CMSS1: variants seen among roughly 807,000 people sequenced by gnomAD.
The protein encoded by CMSS1 is cms1 ribosomal small subunit homolog, also known as protein CMSS1.
A neutral mutation model predicts 43.5 loss-of-function variants in CMSS1; 33 were observed. The observed-to-expected ratio is 0.76, with a 90% confidence interval of 0.57 to 1.01. The LOEUF (loss-of-function observed/expected upper bound fraction) is 1.01, where lower values mean the gene tolerates loss of function less well. Ranked by LOEUF, CMSS1 falls within the 50% of genes least tolerant of loss-of-function variation. CMSS1 has a pLI of 0.00. For missense variants in CMSS1, 313 were observed against 326.4 expected (o/e 0.96, Z 0.32); for synonymous variants, 115 against 117.2 (o/e 0.98, Z 0.12).
At chr3:99,976,455 A>G (rs1002548549) in intron 1 of CMSS1, among the ~76,000 whole-genome samples, 7 of 152,184 alleles carry the variant, frequency 4.6e-5, no homozygotes, top group Non-Finnish European at 1.0e-4. Flanking sequence ...CCCCAAGAGA[A>G]TTGCAGCCAA....
At position 100,013,261 on chromosome 3, in the gene CMSS1, T is replaced by G. The variant is rs902901589; in HGVS notation, c.65-133712T>G. 9.8e-5 allele frequency among the ~76,000 whole-genome samples: 13 copies of G among 132,142 alleles called. No individual in the cohort carries two copies. In the East Asian group the frequency reaches 2.8e-3, roughly 29 times the overall value. 86.7% of individuals were successfully genotyped at this position (132,142 alleles called of 152,430 possible). A position where few individuals can be genotyped will look rare whatever the true frequency, so the allele number is the denominator to read the frequency against. ...TGTTGTTGTTGTTGTTGTTGTTGTTTGAGATGGAGTCTTGCTCTGTCACCC... is the reference window on the plus strand; with the variant it reads ...TGTTGTTGTTGTTGTTGTTGTTGTTGGAGATGGAGTCTTGCTCTGTCACCC... On this transcript the variant is annotated intron_variant, in intron 1 of 9. Transcript: ENST00000421999.
At chr3:100,172,029 T>C in intron 7 of CMSS1, 130 bp downstream of exon 7, 2 of 755,008 alleles carry the variant, frequency 2.6e-6, no homozygotes, top group South Asian at 1.8e-5. Flanking sequence ...TTAACAACTT[T>C]TCTGGTTTTT....
intron 1 of CMSS1, chr3:99,875,946 G>T: frequency 1.8e-6 from 1 of 571,046 alleles, no homozygotes; most frequent in Non-Finnish European, 2.2e-6. Flanking sequence ...TTCATTGGAT[G>T]CGCTTTGCGA....
intron 1 of CMSS1, among the ~76,000 whole-genome samples, chr3:99,987,528 CAA>C (rs1209242716): frequency 1.4e-4 from 8 of 57,148 alleles, no homozygotes; most frequent in Admixed American, 2.0e-4. Flanking sequence ...GATTCTGTCT[CAA>C]AAAAAAAAAA....
intron 1 of CMSS1, among the ~76,000 whole-genome samples, chr3:100,056,897 G>A (rs370015829): frequency 2.6e-5 from 4 of 151,986 alleles, no homozygotes; most frequent in East Asian, 3.9e-4. Flanking sequence ...CCAGCTACTC[G>A]GGAGGCTGAG....
intron 1 of CMSS1, among the ~76,000 whole-genome samples, chr3:99,947,000 G>A (rs760303714): frequency 2.0e-5 from 3 of 152,002 alleles, no homozygotes; most frequent in Non-Finnish European, 4.4e-5. Flanking sequence ...AGCGGGGCGT[G>A]GTGGCAGGCA....
chr3:100,026,245 T>C (rs2064918726), intron 1 of CMSS1, among the ~76,000 whole-genome samples: 1 of 152,124 alleles, frequency 6.6e-6, no homozygotes, highest in Admixed American at 6.6e-5. Context: ...CTTCGTTTAG[T>C]CAAAATTGTG....
chr3:99,917,753 C>T (rs1015816193), intron 1 of CMSS1, among the ~76,000 whole-genome samples: 2 of 152,008 alleles, frequency 1.3e-5, no homozygotes, highest in Non-Finnish European at 2.9e-5. Flanking sequence ...TAGGGTATAC[C>T]GAAATCTAGA....
intron 1 of CMSS1, among the ~76,000 whole-genome samples, chr3:100,055,701 A>G (rs1458292593): frequency 6.6e-6 from 1 of 152,314 alleles, no homozygotes; most frequent in East Asian, 1.9e-4. Flanking sequence ...TTAGTAGTCA[A>G]ACATTCTTGA....
intron 1 of CMSS1, among the ~76,000 whole-genome samples, chr3:99,844,432 A>G (rs900515243): frequency 5.9e-5 from 9 of 152,214 alleles, no homozygotes; most frequent in African/African-American, 1.9e-4. Flanking sequence ...GAGGAAAAAA[A>G]TCTTAATAAC....
chr3:99,845,159 T>TA (rs1257291340), intron 1 of CMSS1, among the ~76,000 whole-genome samples: 1 of 152,182 alleles, frequency 6.6e-6, no homozygotes, highest in Admixed American at 6.5e-5. Context: ...TTCTTATGTG[T>TA]ACAGATTCAA....
At position 100,172,317 on chromosome 3, in the gene CMSS1, T is replaced by A. The variant is rs1404794115; in HGVS notation, c.581T>A (p.Val194Asp). ...TTCTTCTCTTTCATCTTGGAACAGG[T>A]CCAGGCGCAGGTAAAGTTGCTGGAG... ...VIKLFAKHIK[V>D]QAQVKLLEKR... The change falls in exon 8 of 10, where the codon GTC (valine) becomes GAC (aspartate). Residue 194 changes from valine (V) to aspartate (D), a missense_variant and splice_region_variant. Transcript: ENST00000421999. The A allele has an allele frequency of 6.2e-7, 1 of 1,613,606 alleles. No homozygotes were observed. The highest frequency in any genetic ancestry group is 2.2e-5 in the East Asian group (1 of 44,884).
chr3:100,145,260 G>A (rs2066838873), intron 1 of CMSS1, among the ~76,000 whole-genome samples: 2 of 152,018 alleles, frequency 1.3e-5, no homozygotes, highest in Admixed American at 1.3e-4. Flanking sequence ...GGCTAACATG[G>A]CGAATCCCTG....
intron 1 of CMSS1, among the ~76,000 whole-genome samples, chr3:100,045,821 G>A (rs2065270397): frequency 6.6e-6 from 1 of 152,108 alleles, no homozygotes. Context: ...AGGCCTTCTG[G>A]GCTTCTTGGC....
chr3:99,840,192 T>G (rs1943069406), intron 1 of CMSS1, among the ~76,000 whole-genome samples: 1 of 150,816 alleles, frequency 6.6e-6, no homozygotes, highest in East Asian at 2.0e-4. Context: ...CTGATAGGAT[T>G]AGGGGTAAAA....
intron 4 of CMSS1, among the ~76,000 whole-genome samples, chr3:100,165,177 T>C (rs905794186): frequency 1.3e-5 from 2 of 152,162 alleles, no homozygotes; most frequent in African/African-American, 4.8e-5. Flanking sequence ...TCTGATCATA[T>C]CCAGGCTTGG....
chr3:99,830,743 G>A (rs961507277), intron 1 of CMSS1: 21 of 379,596 alleles, frequency 5.5e-5, no homozygotes, highest in East Asian at 5.1e-4. Context: ...ATCAAAGATC[G>A]TCAGGTTGAA....
At chr3:99,992,844 T>C (rs1709564003) in intron 1 of CMSS1, among the ~76,000 whole-genome samples, 1 of 152,070 alleles carries the variant, frequency 6.6e-6, no homozygotes, top group African/African-American at 2.4e-5. Flanking sequence ...TTTTTGTATG[T>C]GGTAAGAAGT....
In CMSS1 at chr3:100,034,583, G is replaced by A. The variant is rs1173526874; in HGVS notation, c.65-112390G>A. 2.0e-5 allele frequency among the ~76,000 whole-genome samples: 3 copies of A among 152,128 alleles called. No homozygotes were observed. The East Asian group carries it at 5.8e-4, about 29-fold the overall frequency. The stretch of plus-strand genomic sequence containing the variant: ...ATCCCATCTGAATTGGCTGCTTTTG[G>A]TCATTTAAACATGCTTCCTTATCAG... On this transcript the variant is annotated intron_variant, in intron 1 of 9. Transcript: ENST00000421999.
Sources: allele counts gnomAD v4.1 joint callset (sites outside exome capture counted in the v4.1 genomes callset), GRCh38; gene constraint gnomAD v4.1.1; transcripts MANE v1.5; gene names NCBI Gene and HGNC (gene_info 2026-07-23, HGNC 2026-07-21).